UBE4B: variants seen among roughly 807,000 people sequenced by gnomAD.
UBE4B encodes the protein ubiquitin conjugation factor E4 B.
A neutral mutation model predicts 148.1 loss-of-function variants in UBE4B; 27 were observed. That is an observed-to-expected ratio of 0.18 (90% CI 0.13 to 0.25). The LOEUF (loss-of-function observed/expected upper bound fraction) is 0.25, where lower values mean the gene tolerates loss of function less well. Ranked by LOEUF, UBE4B falls within the 10% of genes least tolerant of loss-of-function variation. The pLI is 1.00. For synonymous variants in UBE4B, 596 were observed against 619.3 expected (o/e 0.96, Z 0.56); for missense variants, 1,170 against 1,662.4 (o/e 0.70, Z 5.15).
intron 7 of UBE4B, among the ~76,000 whole-genome samples, chr1:10,116,978 C>G (rs756330307): frequency 6.6e-6 from 1 of 152,316 alleles, no homozygotes; most frequent in Admixed American, 6.5e-5. Flanking sequence ...AGTTTCTTAA[C>G]CTTTGGTTCT....
At chr1:10,078,312 T>A (rs115641062) in intron 2 of UBE4B, among the ~76,000 whole-genome samples, 1 of 152,156 alleles carries the variant, frequency 6.6e-6, no homozygotes, top group Admixed American at 6.5e-5. Context: ...CCTGGCTGAT[T>A]ATGCTACTTT....
intron 2 of UBE4B, among the ~76,000 whole-genome samples, chr1:10,091,000 T>A (rs886704332): frequency 6.6e-5 from 10 of 152,184 alleles, no homozygotes; most frequent in African/African-American, 2.2e-4. Context: ...AATGCATAAT[T>A]TCCTTTAGCA....
chr1:10,068,437 C>T (rs1644426940), intron 1 of UBE4B, among the ~76,000 whole-genome samples: 1 of 151,558 alleles, frequency 6.6e-6, no homozygotes, highest in African/African-American at 2.4e-5. Flanking sequence ...GTGACCTCCT[C>T]CTCCCGGGTT....
intron 9 of UBE4B, among the ~76,000 whole-genome samples, chr1:10,121,751 T>A (rs1485584301): frequency 1.3e-5 from 2 of 152,158 alleles, no homozygotes; most frequent in Non-Finnish European, 2.9e-5. Flanking sequence ...AAAGATGAAT[T>A]CTTTGAAAAT....
rs1372018211 is a variant in UBE4B, at chr1:10,180,466, A to G, written c.*510A>G. Reference sequence around the variant, plus strand: ...GTAAACTCCTTTCCCTGGCCCTCCAAACATATATTCTGTGAGATAACTGTG... The same window carrying G: ...GTAAACTCCTTTCCCTGGCCCTCCAGACATATATTCTGTGAGATAACTGTG... On this transcript the variant is annotated 3_prime_UTR_variant, in exon 28 of 28. Transcript: ENST00000343090. The G allele has an allele frequency of 6.5e-6, 1 of 153,948 alleles. No individual in the cohort carries two copies. The highest frequency in any genetic ancestry group is 1.4e-5 in the Non-Finnish European group (1 of 69,074). The allele number at this position is 153,948 out of a possible 1,614,324, so 9.5% of individuals were successfully genotyped here.
chr1:10,069,590 A>G (rs1020782027), intron 1 of UBE4B, among the ~76,000 whole-genome samples: 10 of 152,116 alleles, frequency 6.6e-5, no homozygotes, highest in African/African-American at 2.4e-4. Flanking sequence ...GCTGGAGTGC[A>G]GCGGTGCGAT....
chr1:10,131,434 A>G (rs148225698), intron 14 of UBE4B, among the ~76,000 whole-genome samples: 2,621 of 152,162 alleles, frequency 0.017, 33 homozygotes, highest in Non-Finnish European at 0.027. Flanking sequence ...GCAGTGAGCC[A>G]AGATCACGCC....
intron 17 of UBE4B, among the ~76,000 whole-genome samples, chr1:10,140,998 C>T (rs1453852664): frequency 6.6e-6 from 1 of 152,128 alleles, no homozygotes; most frequent in African/African-American, 2.4e-5. Context: ...ATACTGAATT[C>T]AGGGTCTCTG....
At chr1:10,107,180 T>C in intron 7 of UBE4B, 1 of 1,288,926 alleles carries the variant, frequency 7.8e-7, no homozygotes, top group Non-Finnish European at 1.0e-6. Context: ...GTCTTGTTTT[T>C]TCTTTGTTCT....
intron 23 of UBE4B, among the ~76,000 whole-genome samples, chr1:10,166,966 CACACAAA>C (rs1220185333): frequency 1.5e-5 from 2 of 134,730 alleles, no homozygotes; most frequent in African/African-American, 6.2e-5. Context: ...CACACACACA[CACACAAA>C]AAAAAAAAAT....
chr1:10,155,262 C>T (rs1380155598), intron 21 of UBE4B, among the ~76,000 whole-genome samples: 1 of 152,150 alleles, frequency 6.6e-6, no homozygotes, highest in African/African-American at 2.4e-5. Context: ...TGGCCTGGAC[C>T]ACCTCTTCAG....
chr1:10,132,229 C>A (rs1376674840), intron 14 of UBE4B, 140 bp from the exon 15 acceptor site: 7 of 619,188 alleles, frequency 1.1e-5, no homozygotes, highest in Non-Finnish European at 2.0e-5. Context: ...TTCTTATATT[C>A]TTTCACTCAG....
chr1:10,112,353 G>C (rs578095989), intron 7 of UBE4B, among the ~76,000 whole-genome samples: 2 of 152,124 alleles, frequency 1.3e-5, no homozygotes, highest in East Asian at 3.8e-4. Context: ...ACAGCTGAGG[G>C]AAAATATTAA....
At chr1:10,070,149 C>T (rs1329503444) in intron 1 of UBE4B, among the ~76,000 whole-genome samples, 1 of 151,736 alleles carries the variant, frequency 6.6e-6, no homozygotes, top group East Asian at 1.9e-4. Flanking sequence ...TGGTGCATGC[C>T]TGTAGTCCCA....
Position 10,038,367 on chromosome 1 carries a change from C to T in UBE4B, c.24+4673C>T, listed in dbSNP as rs1280851645. On this transcript the variant is annotated intron_variant, in intron 1 of 27. Transcript: ENST00000343090. ...TGACCTTGGACTTTTTAGCAAGGTT[C>T]TGTAAGTGGAAGAAAATTGACATTA... Among the ~76,000 whole-genome samples, 4 of 151,954 alleles carry T rather than the reference C, an allele frequency of 2.6e-5. No homozygotes were observed. In the East Asian group the frequency reaches 7.7e-4, roughly 29 times the overall value.
intron 25 of UBE4B, among the ~76,000 whole-genome samples, chr1:10,172,223 ATCT>A (rs1471193920): frequency 6.6e-6 from 1 of 152,064 alleles, no homozygotes; most frequent in Non-Finnish European, 1.5e-5. Context: ...TCCCTGCGTG[ATCT>A]TCTAGTCATC....
At chr1:10,175,947 G>A (rs181627453) in intron 25 of UBE4B, among the ~76,000 whole-genome samples, 47 of 152,234 alleles carry the variant, frequency 3.1e-4, no homozygotes, top group African/African-American at 1.1e-3. Context: ...TCCACTACAT[G>A]TATCACCCCA....
At chr1:10,111,210 T>C (rs1645214569) in intron 7 of UBE4B, among the ~76,000 whole-genome samples, 1 of 150,734 alleles carries the variant, frequency 6.6e-6, no homozygotes, top group Non-Finnish European at 1.5e-5. Context: ...ACACTCCACA[T>C]ACTACACACA....
At chr1:10,043,450 G>T (rs1182646324) in intron 1 of UBE4B, among the ~76,000 whole-genome samples, 1 of 129,110 alleles carries the variant, frequency 7.7e-6, no homozygotes, top group Non-Finnish European at 1.6e-5. Context: ...TTTTGAGATG[G>T]AGTCTCACTC....
Sources: allele counts gnomAD v4.1 joint callset (sites outside exome capture counted in the v4.1 genomes callset), GRCh38; gene constraint gnomAD v4.1.1; transcripts MANE v1.5; gene names NCBI Gene and HGNC (gene_info 2026-07-23, HGNC 2026-07-21).